The following ITGA1 variants were observed in gnomAD, a reference collection of about 807,000 sequenced individuals.
ITGA1 encodes integrin alpha-1.
ITGA1 carries 85 observed loss-of-function variants against 145.9 expected under a neutral mutation model. The observed-to-expected ratio is 0.58, with a 90% CI of 0.49 to 0.70. The LOEUF is 0.70. Among genes scored for constraint, ITGA1 ranks in the 30% least tolerant of loss-of-function variants. The pLI is 0.00. For missense variants in ITGA1, 1,351 were observed against 1,418.7 expected (o/e 0.95, Z 0.77); for synonymous variants, 520 against 495.3 (o/e 1.05, Z -0.66).
intron 2 of ITGA1, among the ~76,000 whole-genome samples, chr5:52,849,701 A>T (rs1749399295): frequency 6.6e-6 from 1 of 152,070 alleles, no homozygotes; most frequent in African/African-American, 2.4e-5. Context: ...ATTTCTGTTG[A>T]TGCCTGGATT....
chr5:52,819,696 G>A (rs1033924081), intron 1 of ITGA1, among the ~76,000 whole-genome samples: 5 of 152,108 alleles, frequency 3.3e-5, no homozygotes, highest in Non-Finnish European at 7.3e-5. Context: ...CATTGCTTTC[G>A]GTGTTTTAGA....
In ITGA1 at chr5:52,887,996, T is replaced by A. The variant is rs533089501; in HGVS notation, c.924+31T>A. 4.4e-6 allele frequency: 7 copies of A among 1,601,712 alleles called. No individual in the cohort carries two copies. In the East Asian group the frequency reaches 1.1e-4, roughly 26 times the overall value. ...TGTGTTGCCGGAGATATTTTCAAACTCTTAGGTGTAGAGAAGAGCTGTGTG... is the reference window on the plus strand; with the variant it reads ...TGTGTTGCCGGAGATATTTTCAAACACTTAGGTGTAGAGAAGAGCTGTGTG... On this transcript the variant is annotated intron_variant, in intron 8 of 28. Transcript: ENST00000282588.
intron 2 of ITGA1, among the ~76,000 whole-genome samples, chr5:52,861,031 A>C (rs1177797274): frequency 6.6e-6 from 1 of 152,214 alleles, no homozygotes; most frequent in African/African-American, 2.4e-5. Context: ...CATGTGTTTT[A>C]TAAGTTAATA....
At chr5:52,849,267 C>T (rs911019497) in intron 1 of ITGA1, 98 bp from the exon 2 acceptor site, 2 of 1,004,186 alleles carry the variant, frequency 2.0e-6, no homozygotes, top group South Asian at 5.4e-5. Context: ...TTAATAGAAA[C>T]AGCTTTCGAT....
intron 9 of ITGA1, among the ~76,000 whole-genome samples, chr5:52,897,248 A>G (rs1750240531): frequency 6.6e-6 from 1 of 152,192 alleles, no homozygotes; most frequent in Admixed American, 6.5e-5. Context: ...AATTTGAGAC[A>G]TGAGCCCTTT....
At chr5:52,811,905 G>A (rs1253920762) in intron 1 of ITGA1, among the ~76,000 whole-genome samples, 7 of 152,108 alleles carry the variant, frequency 4.6e-5, no homozygotes, top group Admixed American at 4.6e-4. Context: ...ATCACCTAGG[G>A]AGTTTTAAAA....
chr5:52,892,681 A>C (rs1204116500), intron 8 of ITGA1, among the ~76,000 whole-genome samples: 1 of 152,198 alleles, frequency 6.6e-6, no homozygotes, highest in Non-Finnish European at 1.5e-5. Flanking sequence ...CTACTGCTAC[A>C]TGCAGCAACA....
At chr5:52,951,675 C>T (rs1751223067) in intron 28 of ITGA1, among the ~76,000 whole-genome samples, 1 of 152,096 alleles carries the variant, frequency 6.6e-6, no homozygotes, top group Non-Finnish European at 1.5e-5. Context: ...ATATACCTGT[C>T]AGATTCCCTA....
At chr5:52,883,546 C>A (rs933539264) in intron 7 of ITGA1, among the ~76,000 whole-genome samples, 7 of 152,054 alleles carry the variant, frequency 4.6e-5, no homozygotes, top group African/African-American at 1.7e-4. Context: ...TTTTTTATTC[C>A]TTTCAGGCAG....
At chr5:52,817,797 A>G (rs568494634) in intron 1 of ITGA1, among the ~76,000 whole-genome samples, 108 of 152,342 alleles carry the variant, frequency 7.1e-4, no homozygotes, top group African/African-American at 2.6e-3. Flanking sequence ...TGCATATGCA[A>G]ATTATAATAT....
At chr5:52,914,413 C>A (rs558866202) in intron 14 of ITGA1, among the ~76,000 whole-genome samples, 1 of 151,994 alleles carries the variant, frequency 6.6e-6, no homozygotes, top group Non-Finnish European at 1.5e-5. Context: ...CCGAGGCAGG[C>A]GGATCATGAG....
intron 1 of ITGA1, among the ~76,000 whole-genome samples, chr5:52,806,333 A>G (rs1424983057): frequency 6.6e-6 from 1 of 151,874 alleles, no homozygotes; most frequent in Non-Finnish European, 1.5e-5. Context: ...AATGCAGCTA[A>G]TGAAGCTGTT....
At chr5:52,817,398 G>A (rs540150714) in intron 1 of ITGA1, among the ~76,000 whole-genome samples, 6 of 152,264 alleles carry the variant, frequency 3.9e-5, no homozygotes, top group Admixed American at 3.3e-4. Context: ...TAAGTAATTG[G>A]CACACAGAAT....
chr5:52,905,051 G>A (rs1253843781), intron 11 of ITGA1: 4 of 151,942 alleles, frequency 2.6e-5, no homozygotes, highest in Non-Finnish European at 5.9e-5. Flanking sequence ...TTCATATGGC[G>A]GTTCATAGAA....
chr5:52,939,517 C>G, intron 24 of ITGA1, 73 bp from the exon 25 acceptor site: 1 of 955,366 alleles, frequency 1.0e-6, no homozygotes, highest in South Asian at 1.4e-5. Context: ...AGATTCTTTA[C>G]ACTACTGCAG....
intron 17 of ITGA1, among the ~76,000 whole-genome samples, chr5:52,921,657 T>C (rs1465839132): frequency 6.6e-6 from 1 of 152,238 alleles, no homozygotes; most frequent in Non-Finnish European, 1.5e-5. Flanking sequence ...GTCTAAGTTA[T>C]GTCCAGGTAC....
intron 11 of ITGA1, chr5:52,903,506 A>C (rs1269705292): frequency 6.6e-6 from 1 of 152,244 alleles, no homozygotes; most frequent in Non-Finnish European, 1.5e-5. Flanking sequence ...AGGAATATTC[A>C]TAAAGGATAA....
At chr5:52,874,419 A>C (rs1238939856) in intron 6 of ITGA1, among the ~76,000 whole-genome samples, 1 of 116,850 alleles carries the variant, frequency 8.6e-6, no homozygotes, top group East Asian at 2.6e-4. Flanking sequence ...GGGACAAACC[A>C]TATTCAAGCT....
chr5:52,838,755 A>G (rs931277602), intron 1 of ITGA1, among the ~76,000 whole-genome samples: 5 of 152,154 alleles, frequency 3.3e-5, no homozygotes, highest in Non-Finnish European at 5.9e-5. Context: ...TTTTGAAATA[A>G]TGTGGTAGAT....
Sources: allele counts gnomAD v4.1 joint callset (sites outside exome capture counted in the v4.1 genomes callset), GRCh38; gene constraint gnomAD v4.1.1; transcripts MANE v1.5; gene names NCBI Gene and HGNC (gene_info 2026-07-23, HGNC 2026-07-21).